The following TRPM3 variants were observed in gnomAD, a reference collection of about 807,000 sequenced individuals.
TRPM3 encodes transient receptor potential cation channel subfamily M member 3.
TRPM3 carries 77 observed loss-of-function variants against 181.2 expected under a neutral mutation model. That is an observed-to-expected ratio of 0.42 (90% CI 0.35 to 0.51). TRPM3 has a LOEUF of 0.51. Ranked by LOEUF, TRPM3 falls within the 20% of genes least tolerant of loss-of-function variation. The pLI, the probability that TRPM3 is intolerant of heterozygous loss-of-function variation, is 0.01. For missense variants in TRPM3, 1,759 were observed against 2,196.7 expected (o/e 0.80, Z 3.98); for synonymous variants, 745 against 796.4 (o/e 0.94, Z 1.09).
intron 22 of TRPM3, among the ~76,000 whole-genome samples, chr9:70,587,267 A>C (rs1273814548): frequency 1.3e-5 from 2 of 152,212 alleles, no homozygotes; most frequent in Non-Finnish European, 2.9e-5. Flanking sequence ...ACTTGTAAAA[A>C]TACTCAGAGA....
chr9:71,445,137 A>C lies in TRPM3; in HGVS notation c.183+1516T>G, dbSNP rs147423258. 6.5e-3 allele frequency among the ~76,000 whole-genome samples: 990 copies of C among 152,324 alleles called. 5 individuals carry two copies. Among genetic ancestry groups the C allele is most frequent in the African/African-American group, 0.022 (899 of 41,556 alleles). The stretch of plus-strand genomic sequence containing the variant: ...AACCTGCAATCATTTACTCTAACTT[A>C]TAACATAGTTATATGAAGATTTTAT... On this transcript the variant is annotated intron_variant, in intron 1 of 24. Coordinates refer to the TRPM3 transcript ENST00000357533.
Position 71,254,051 on chromosome 9 carries a change from C to T in TRPM3, c.183+192602G>A, listed in dbSNP as rs186413625. Reference sequence around the variant, plus strand: ...TCTCCTGCCTCAGCCTCCTGAGTAGCTGGGACTACAGGTGCCTGCCACCAT... The same window carrying T: ...TCTCCTGCCTCAGCCTCCTGAGTAGTTGGGACTACAGGTGCCTGCCACCAT... On this transcript the variant is annotated intron_variant, in intron 1 of 24. Transcript: ENST00000357533. Among the ~76,000 whole-genome samples the T allele has an allele frequency of 7.0e-3, 1,063 of 152,290 alleles. 6 individuals carry two copies. The highest frequency in any genetic ancestry group is 0.011 in the Non-Finnish European group (776 of 68,022).
At chr9:71,061,423 G>T (rs1235374676) in intron 1 of TRPM3, among the ~76,000 whole-genome samples, 1 of 152,128 alleles carries the variant, frequency 6.6e-6, no homozygotes, top group African/African-American at 2.4e-5. Flanking sequence ...AGTTCTGTCT[G>T]CAAAATTCAC....
At chr9:71,191,767 T>A (rs1166665707) in intron 1 of TRPM3, among the ~76,000 whole-genome samples, 1 of 143,948 alleles carries the variant, frequency 6.9e-6, no homozygotes, top group Admixed American at 7.3e-5. Flanking sequence ...CTGTACAGAG[T>A]CCCTAAAGAA....
chr9:70,641,420 G>A (rs532472903), intron 9 of TRPM3, among the ~76,000 whole-genome samples: 23 of 152,206 alleles, frequency 1.5e-4, no homozygotes, highest in Middle Eastern at 6.8e-3. Flanking sequence ...ATCAACTAGC[G>A]TACCAACTTG....
intron 1 of TRPM3, among the ~76,000 whole-genome samples, chr9:71,355,621 CT>C (rs2091864143): frequency 6.6e-6 from 1 of 152,080 alleles, no homozygotes; most frequent in Non-Finnish European, 1.5e-5. Flanking sequence ...TAGAGTCCCC[CT>C]GTGGTTATTT....
intron 1 of TRPM3, among the ~76,000 whole-genome samples, chr9:71,114,130 T>TCTACCTAC (rs887406256): frequency 5.9e-5 from 9 of 152,130 alleles, no homozygotes; most frequent in African/African-American, 1.9e-4. Context: ...TATCTATCTA[T>TCTACCTAC]CTACCTACCT....
intron 1 of TRPM3, chr9:70,869,038 T>C (rs1408678627): frequency 2.0e-6 from 2 of 985,126 alleles, no homozygotes; most frequent in Non-Finnish European, 2.4e-6. Flanking sequence ...CAGCTCCTGT[T>C]GCTTTCATTT....
intron 1 of TRPM3, among the ~76,000 whole-genome samples, chr9:71,128,094 G>A (rs1004721275): frequency 3.3e-5 from 5 of 152,186 alleles, no homozygotes; most frequent in African/African-American, 1.2e-4. Context: ...CTTCCAGTAA[G>A]AGAAGAAGCT....
At chr9:71,326,280 T>C (rs889194119) in intron 1 of TRPM3, among the ~76,000 whole-genome samples, 1 of 152,178 alleles carries the variant, frequency 6.6e-6, no homozygotes, top group Non-Finnish European at 1.5e-5. Context: ...ACATCAGAGC[T>C]AGAGAAAAGC....
intron 9 of TRPM3, among the ~76,000 whole-genome samples, chr9:70,679,763 GT>G (rs1265060680): frequency 6.6e-6 from 1 of 152,184 alleles, no homozygotes; most frequent in Non-Finnish European, 1.5e-5. Context: ...CCAACACAGT[GT>G]TTGGCACATA....
chr9:71,428,166 A>T (rs1026378551), intron 1 of TRPM3, among the ~76,000 whole-genome samples: 43 of 151,178 alleles, frequency 2.8e-4, no homozygotes, highest in African/African-American at 1.0e-3. Flanking sequence ...ATCTCAGCTC[A>T]TTGCAACCTC....
intron 1 of TRPM3, among the ~76,000 whole-genome samples, chr9:70,882,079 G>A (rs1193721818): frequency 2.0e-5 from 3 of 152,156 alleles, no homozygotes; most frequent in African/African-American, 4.8e-5. Flanking sequence ...AAAAGACTAA[G>A]AGTCAACTCA....
chr9:70,666,903 C>T (rs1366517292), intron 9 of TRPM3, among the ~76,000 whole-genome samples: 1 of 151,842 alleles, frequency 6.6e-6, no homozygotes, highest in African/African-American at 2.4e-5. Flanking sequence ...TAATTATTCC[C>T]TTAATTTTGT....
At chr9:71,221,798 G>A (rs2080257236) in intron 1 of TRPM3, among the ~76,000 whole-genome samples, 1 of 152,130 alleles carries the variant, frequency 6.6e-6, no homozygotes, top group Admixed American at 6.5e-5. Flanking sequence ...AGACAAACTG[G>A]GGAATAAAAA....
At chr9:71,410,985 G>A (rs893604064) in intron 1 of TRPM3, among the ~76,000 whole-genome samples, 3 of 152,154 alleles carry the variant, frequency 2.0e-5, no homozygotes, top group East Asian at 3.9e-4. Flanking sequence ...CATATAAACA[G>A]AACCAAAGAC....
intron 1 of TRPM3, among the ~76,000 whole-genome samples, chr9:71,075,847 G>C (rs2063380454): frequency 6.6e-6 from 1 of 152,210 alleles, no homozygotes; most frequent in African/African-American, 2.4e-5. Flanking sequence ...TAATGTTCAT[G>C]TCAACGGAGT....
In TRPM3 at chr9:70,864,435, T is replaced by TG; in HGVS notation, c.253dup (p.His85ProfsTer2). On this transcript the variant is annotated frameshift_variant, in exon 2 of 26. Coordinates refer to ENST00000677713, the MANE Select transcript of TRPM3 (RefSeq NM_001366145.2). LOFTEE classifies it high-confidence loss of function. ...ACATTATAGACAGCAAGATTACCTATGGGGGTCTTTGGTGCTGGGTATGAT... is the reference window on the plus strand; with the variant it reads ...ACATTATAGACAGCAAGATTACCTATGGGGGGTCTTTGGTGCTGGGTATGAT... 6.8e-7 allele frequency: 1 copy of TG among 1,479,928 alleles called. No homozygotes were observed. The highest frequency in any genetic ancestry group is 8.9e-7 in the Non-Finnish European group (1 of 1,122,378). The allele number at this position is 1,479,928 out of a possible 1,614,324, so 91.7% of individuals were successfully genotyped here. A position where few individuals can be genotyped will look rare whatever the true frequency, so the allele number is the denominator to read the frequency against.
At chr9:71,087,811 A>G (rs779063446) in intron 1 of TRPM3, among the ~76,000 whole-genome samples, 2 of 152,114 alleles carry the variant, frequency 1.3e-5, no homozygotes, top group African/African-American at 2.4e-5. Flanking sequence ...CTAATAACGG[A>G]CTTCAGCAAG....
Sources: gnomAD v4.1 joint callset for allele counts (sites outside exome capture counted in the v4.1 genomes callset) on GRCh38, gnomAD v4.1.1 for gene constraint, MANE v1.5 for transcripts, NCBI Gene and HGNC (gene_info 2026-07-23, HGNC 2026-07-21) for gene names.